The following ATF2 variants were observed in gnomAD, a reference collection of about 807,000 sequenced individuals.
ATF2 encodes activating transcription factor 2, also known as cyclic AMP-dependent transcription factor ATF-2.
A neutral mutation model predicts 60.6 loss-of-function variants in ATF2; 24 were observed. That is an observed-to-expected ratio of 0.40 (90% CI 0.29 to 0.56). The LOEUF is 0.56. Ranked by LOEUF, ATF2 falls within the 20% of genes least tolerant of loss-of-function variation. The pLI is 0.54. For missense variants in ATF2, 433 were observed against 607.7 expected (o/e 0.71, Z 3.02); for synonymous variants, 206 against 215.4 (o/e 0.96, Z 0.38).
In ATF2 at chr2:175,167,606, T is replaced by C. The variant is rs753861726; in HGVS notation, c.-143+444A>G. 27 of 480,570 alleles carry C rather than the reference T, an allele frequency of 5.6e-5. No homozygotes were observed. The Middle Eastern group carries it at 9.9e-4, about 18-fold the overall frequency. The allele number at this position is 480,570 out of a possible 1,614,324, so 29.8% of individuals were successfully genotyped here. On this transcript the variant is annotated intron_variant, in intron 1 of 13. Transcript: ENST00000264110. The stretch of plus-strand genomic sequence containing the variant: ...TGAATACTGGGTGGGGAGACCAGAG[T>C]GGGCCCTCTCCCCGCCCAACCCAAG...
intron 11 of ATF2, among the ~76,000 whole-genome samples, chr2:175,096,066 T>C (rs1260166243): frequency 6.6e-6 from 1 of 152,218 alleles, no homozygotes; most frequent in African/African-American, 2.4e-5. Context: ...GATACAGTTA[T>C]GTAAATACCT....
At chr2:175,152,497 A>G (rs1047739363) in intron 1 of ATF2, among the ~76,000 whole-genome samples, 2 of 152,194 alleles carry the variant, frequency 1.3e-5, no homozygotes, top group African/African-American at 4.8e-5. Context: ...TACCAACCGC[A>G]TTAAGAAAAG....
chr2:175,112,637 T>A (rs926113491), intron 9 of ATF2, among the ~76,000 whole-genome samples: 9 of 152,242 alleles, frequency 5.9e-5, no homozygotes, highest in Non-Finnish European at 1.0e-4. Flanking sequence ...CAGCCTGGAA[T>A]GCAGTGGTGC....
intron 12 of ATF2, among the ~76,000 whole-genome samples, chr2:175,086,841 A>C (rs1460734889): frequency 6.6e-6 from 1 of 152,224 alleles, no homozygotes; most frequent in Non-Finnish European, 1.5e-5. Context: ...AGATGGCTGC[A>C]TAAGTCCTGA....
chr2:175,098,640 AGT>A (rs1280615666), intron 10 of ATF2, among the ~76,000 whole-genome samples: 8 of 152,310 alleles, frequency 5.3e-5, no homozygotes, highest in Admixed American at 5.2e-4. Context: ...TGGGGTGTTA[AGT>A]GTTAAGAACA....
intron 3 of ATF2, among the ~76,000 whole-genome samples, chr2:175,132,326 C>T (rs1012347585): frequency 6.6e-6 from 1 of 152,176 alleles, no homozygotes; most frequent in African/African-American, 2.4e-5. Context: ...AGATTTTTTT[C>T]GGATACTCTT....
At chr2:175,141,729 G>A (rs542880261) in intron 2 of ATF2, among the ~76,000 whole-genome samples, 2 of 152,082 alleles carry the variant, frequency 1.3e-5, no homozygotes, top group African/African-American at 4.8e-5. Flanking sequence ...TCCTGACCTC[G>A]TGATCCGCCC....
intron 1 of ATF2, among the ~76,000 whole-genome samples, chr2:175,161,540 C>T (rs1275105383): frequency 7.9e-5 from 12 of 152,070 alleles, no homozygotes; most frequent in Admixed American, 7.2e-4. Flanking sequence ...AGTGGTAGAC[C>T]CCTGATAATC....
rs1301481948 is a variant in ATF2 at position 175,074,459 on chromosome 2, T to C, written c.*150A>G. ...ACCGTTTTTCAGTCTGATCAACTGC[T>C]GCTACACCAACTTTAGAGCCAAATT... On this transcript the variant is annotated 3_prime_UTR_variant, in exon 14 of 14. Coordinates refer to ENST00000264110, the MANE Select transcript of ATF2 (RefSeq NM_001880.4). The C allele has an allele frequency of 1.0e-6, 1 of 977,328 alleles. No individual in the cohort carries two copies. The highest frequency in any genetic ancestry group is 1.5e-6 in the Non-Finnish European group (1 of 683,118). The allele number at this position is 977,328 out of a possible 1,614,324, so 60.5% of individuals were successfully genotyped here.
At chr2:175,155,716 GAA>G (rs1699626085) in intron 1 of ATF2, among the ~76,000 whole-genome samples, 2 of 151,384 alleles carry the variant, frequency 1.3e-5, no homozygotes, top group African/African-American at 4.8e-5. Context: ...GAAGTCGAAA[GAA>G]AATAAAGTTT....
chr2:175,162,994 C>T (rs541341773), intron 1 of ATF2, among the ~76,000 whole-genome samples: 21 of 151,886 alleles, frequency 1.4e-4, no homozygotes, highest in South Asian at 2.1e-4. Context: ...ATTTGCCGGG[C>T]GTGGTGGTGG....
chr2:175,142,186 C>CT (rs377013083), intron 2 of ATF2, among the ~76,000 whole-genome samples: 13,548 of 132,976 alleles, frequency 0.1, 1,067 homozygotes, highest in African/African-American at 0.22. Context: ...GTTTTCTTTT[C>CT]TTTTTTTTTT....
At chr2:175,076,904 G>A (rs569426888) in intron 13 of ATF2, among the ~76,000 whole-genome samples, 5 of 151,502 alleles carry the variant, frequency 3.3e-5, no homozygotes, top group African/African-American at 4.9e-5. Context: ...CCATTAACTC[G>A]TCATCCAACA....
At chr2:175,103,720 A>G (rs1294131918) in intron 10 of ATF2, among the ~76,000 whole-genome samples, 1 of 151,990 alleles carries the variant, frequency 6.6e-6, no homozygotes, top group East Asian at 1.9e-4. Context: ...CTATTTAAAT[A>G]CTTTACTAAA....
intron 7 of ATF2, 54 bp downstream of exon 7, chr2:175,117,936 C>T (rs1696696063): frequency 6.6e-7 from 1 of 1,505,742 alleles, no homozygotes. Context: ...AAATAGTAAA[C>T]TTTATTTGGG....
chr2:175,096,124 G>A (rs1182281625), intron 11 of ATF2, among the ~76,000 whole-genome samples: 1 of 152,162 alleles, frequency 6.6e-6, no homozygotes, highest in Non-Finnish European at 1.5e-5. Flanking sequence ...TTCTTTGATT[G>A]AAAACTTTTG....
intron 7 of ATF2, among the ~76,000 whole-genome samples, chr2:175,115,533 A>G (rs1427909532): frequency 6.6e-6 from 1 of 152,190 alleles, no homozygotes; most frequent in Non-Finnish European, 1.5e-5. Context: ...TATAGAACAA[A>G]AAGTTTTAAA....
At chr2:175,122,617 C>T (rs558579605) in intron 4 of ATF2, among the ~76,000 whole-genome samples, 6 of 151,974 alleles carry the variant, frequency 3.9e-5, no homozygotes, top group Admixed American at 6.6e-5. Flanking sequence ...AACATTTTAA[C>T]ATCTTTGGCC....
chr2:175,118,482 C>G (rs1696734454), intron 5 of ATF2, 113 bp from the exon 6 acceptor site: 1 of 868,362 alleles, frequency 1.2e-6, no homozygotes, highest in African/African-American at 1.8e-5. Context: ...TTAATTCTCT[C>G]TTTGGAAAGA....
Sources: allele counts gnomAD v4.1 joint callset (sites outside exome capture counted in the v4.1 genomes callset), GRCh38; gene constraint gnomAD v4.1.1; transcripts MANE v1.5; gene names NCBI Gene and HGNC (gene_info 2026-07-23, HGNC 2026-07-21).